VTI1A: variants seen among roughly 807,000 people sequenced by gnomAD.
The protein encoded by VTI1A is vesicle transport through interaction with t-SNAREs 1A.
In VTI1A, 22 loss-of-function variants were observed where a neutral mutation model predicts 34.9. The ratio of observed to expected loss-of-function variants is 0.63; its 90% CI spans 0.45 to 0.90. The LOEUF (loss-of-function observed/expected upper bound fraction) is 0.90. Ranked by LOEUF, VTI1A falls within the 40% of genes least tolerant of loss-of-function variation. The pLI, the probability that VTI1A is intolerant of heterozygous loss-of-function variation, is 0.00. For synonymous variants in VTI1A, 87 were observed against 97.3 expected (o/e 0.89, Z 0.62); for missense variants, 268 against 275.6 (o/e 0.97, Z 0.20).
chr10:112,600,868 CA>C (rs796627059), intron 5 of VTI1A, among the ~76,000 whole-genome samples: 46 of 152,328 alleles, frequency 3.0e-4, no homozygotes, highest in African/African-American at 9.4e-4. Context: ...TATGCATTTG[CA>C]ATATTCCATC....
At chr10:112,603,612 G>A (rs1844961452) in intron 5 of VTI1A, among the ~76,000 whole-genome samples, 1 of 151,976 alleles carries the variant, frequency 6.6e-6, no homozygotes, top group African/African-American at 2.4e-5. Flanking sequence ...TCACACTTTG[G>A]ATCTCAAAAT....
chr10:112,667,575 G>A (rs1847687641), intron 5 of VTI1A, among the ~76,000 whole-genome samples: 1 of 152,132 alleles, frequency 6.6e-6, no homozygotes, highest in African/African-American at 2.4e-5. Flanking sequence ...AAGTTCTGGG[G>A]TGAAAACACT....
chr10:112,760,844 G>A (rs1419106177), intron 7 of VTI1A, among the ~76,000 whole-genome samples: 2 of 146,864 alleles, frequency 1.4e-5, no homozygotes, highest in Admixed American at 6.9e-5. Flanking sequence ...AGCGGAGATC[G>A]TGCCACTGCA....
At chr10:112,538,181 T>TA in intron 4 of VTI1A, 65 bp from the exon 5 acceptor site, 1 of 1,453,090 alleles carries the variant, frequency 6.9e-7, no homozygotes, top group Non-Finnish European at 9.6e-7. Context: ...ATTTTTTTTT[T>TA]AAGGCAAAAA....
chr10:112,662,701 C>A (rs984520306), intron 5 of VTI1A, among the ~76,000 whole-genome samples: 11 of 151,962 alleles, frequency 7.2e-5, no homozygotes, highest in African/African-American at 2.7e-4. Context: ...TTGCATGTCA[C>A]AATTTTATAG....
chr10:112,623,505 A>G lies in VTI1A; in HGVS notation c.428-44713A>G, dbSNP rs12240696. 6.2e-3 allele frequency among the ~76,000 whole-genome samples: 918 copies of G among 146,998 alleles called. 8 individuals carry two copies. The highest frequency in any genetic ancestry group is 0.021 in the African/African-American group (847 of 39,422). On this transcript the variant is annotated intron_variant, in intron 5 of 7. Coordinates refer to ENST00000393077, the MANE Select transcript of VTI1A (RefSeq NM_145206.4). ...CTTTGGACCACTTGATATCTCAGCC[A>G]TTATCCTCAGCCTGCTGGCTGAGAA...
At chr10:112,851,109 T>C in the VTI1A span, among the ~76,000 whole-genome samples, 2 of 152,194 alleles carry the variant, frequency 1.3e-5, no homozygotes, top group Non-Finnish European at 2.9e-5. Flanking sequence ...ACAGAAACTA[T>C]AGCAGACACA....
intron 7 of VTI1A, among the ~76,000 whole-genome samples, chr10:112,670,557 A>T (rs1847810632): frequency 6.6e-6 from 1 of 152,148 alleles, no homozygotes; most frequent in Non-Finnish European, 1.5e-5. Context: ...AGTGCGGGAC[A>T]CTGCAGACAG....
intron 5 of VTI1A, among the ~76,000 whole-genome samples, chr10:112,635,090 G>A (rs1846298863): frequency 6.6e-6 from 1 of 152,176 alleles, no homozygotes; most frequent in South Asian, 2.1e-4. Context: ...GCAAAGTTCA[G>A]AAAGCTGGGG....
the VTI1A span, among the ~76,000 whole-genome samples, chr10:112,844,873 C>CA: frequency 2.0e-5 from 3 of 152,114 alleles, no homozygotes; most frequent in Non-Finnish European, 4.4e-5. Context: ...GATGACTGGA[C>CA]AGTTTTTATT....
intron 7 of VTI1A, among the ~76,000 whole-genome samples, chr10:112,787,467 C>G (rs1323853160): frequency 6.6e-6 from 1 of 152,144 alleles, no homozygotes; most frequent in East Asian, 1.9e-4. Context: ...AATGTGGTAG[C>G]TTAGATCATT....
intron 3 of VTI1A, among the ~76,000 whole-genome samples, chr10:112,519,552 C>T (rs1849934425): frequency 6.6e-6 from 1 of 152,038 alleles, no homozygotes; most frequent in African/African-American, 2.4e-5. Flanking sequence ...GACTAATTAG[C>T]TGATGATAAG....
At chr10:112,785,679 A>G (rs1852266218) in intron 7 of VTI1A, among the ~76,000 whole-genome samples, 1 of 152,172 alleles carries the variant, frequency 6.6e-6, no homozygotes, top group African/African-American at 2.4e-5. Flanking sequence ...TTTTGTGTAT[A>G]GTGTAAGGTT....
At chr10:112,696,213 T>A (rs1848783234) in intron 7 of VTI1A, among the ~76,000 whole-genome samples, 1 of 152,140 alleles carries the variant, frequency 6.6e-6, no homozygotes, top group African/African-American at 2.4e-5. Flanking sequence ...AAGTGGAATG[T>A]GTTTGCATGC....
chr10:112,805,613 G>A (rs1320724611), intron 7 of VTI1A, among the ~76,000 whole-genome samples: 1 of 152,168 alleles, frequency 6.6e-6, no homozygotes. Context: ...GATGAGGTAC[G>A]GGAATAGGGT....
At chr10:112,806,147 T>A (rs796233259) in intron 7 of VTI1A, among the ~76,000 whole-genome samples, 17 of 152,158 alleles carry the variant, frequency 1.1e-4, no homozygotes, top group African/African-American at 3.9e-4. Context: ...TCAAAACTCA[T>A]CCCCACTGTG....
Position 112,447,455 on chromosome 10 carries a change from C to A in VTI1A, c.82C>A (p.Arg28=). Residue 28 remains arginine, a synonymous_variant, in exon 1 of 8, where the codon CGA becomes AGA. Transcript: ENST00000393077. ...CACCAGCAAGATTGCGAGGGTCCCA[C>A]GACTCCCGCCTGGTGAGAGCCTTGC... ...EITSKIARVP[R]LPPDEKKQMV... is the part of the protein sequence containing the mutation. 6.2e-7 allele frequency: 1 copy of A among 1,613,412 alleles called. No homozygotes were observed. Among genetic ancestry groups the A allele is most frequent in the Non-Finnish European group, 8.5e-7 (1 of 1,179,910 alleles).
intron 5 of VTI1A, among the ~76,000 whole-genome samples, chr10:112,617,985 C>T (rs1845569357): frequency 6.6e-6 from 1 of 152,048 alleles, no homozygotes; most frequent in South Asian, 2.1e-4. Context: ...GAAACCCTGT[C>T]TCTACTAAAA....
At chr10:112,761,770 C>CTGTGTGTGTG (rs57330053) in intron 7 of VTI1A, among the ~76,000 whole-genome samples, 51 of 145,930 alleles carry the variant, frequency 3.5e-4, no homozygotes, top group African/African-American at 1.2e-3. Context: ...CTTTCTTTCT[C>CTGTGTGTGTG]TGTGTGTGTG....
Sources: gnomAD v4.1 joint callset for allele counts (sites outside exome capture counted in the v4.1 genomes callset) on GRCh38, gnomAD v4.1.1 for gene constraint, MANE v1.5 for transcripts, NCBI Gene and HGNC (gene_info 2026-07-23, HGNC 2026-07-21) for gene names.